The following PTBP3 variants were observed in gnomAD, a reference collection of about 807,000 sequenced individuals.
PTBP3 encodes polypyrimidine tract-binding protein 3.
In PTBP3, 20 loss-of-function variants were observed where a neutral mutation model predicts 58.7. The ratio of observed to expected loss-of-function variants is 0.34; its 90% confidence interval spans 0.24 to 0.50. PTBP3 has a LOEUF of 0.50. Among genes scored for constraint, PTBP3 ranks in the 20% least tolerant of loss-of-function variants. PTBP3 has a pLI of 0.98. For missense variants in PTBP3, 509 were observed against 637.2 expected, an observed-to-expected ratio of 0.80 and a Z score of 2.17; for synonymous variants, 185 against 219.8, an observed-to-expected ratio of 0.84 and a Z score of 1.40.
chr9:112,223,770 T>C lies in PTBP3; in HGVS notation c.*81A>G. The C allele has an allele frequency of 6.4e-7, 1 of 1,558,744 alleles. No individual in the cohort carries two copies. The highest frequency in any genetic ancestry group is 8.7e-7 in the Non-Finnish European group (1 of 1,152,492). ...GTTATTTTTGTGAAAGAGGCAAAATTGGTCTTGAGCTGCTTCAGTCTATGT... is the reference window on the plus strand; with the variant it reads ...GTTATTTTTGTGAAAGAGGCAAAATCGGTCTTGAGCTGCTTCAGTCTATGT... On this transcript the variant is annotated 3_prime_UTR_variant, in exon 14 of 14. Transcript: ENST00000374257.
intron 2 of PTBP3, among the ~76,000 whole-genome samples, chr9:112,293,044 A>G (rs767820470): frequency 2.6e-5 from 4 of 152,200 alleles, no homozygotes; most frequent in Admixed American, 6.5e-5. Flanking sequence ...CTATATAGAA[A>G]TGAGAAGAAC....
At chr9:112,250,586 G>C (rs960075849) in intron 7 of PTBP3, among the ~76,000 whole-genome samples, 17 of 152,036 alleles carry the variant, frequency 1.1e-4, no homozygotes, top group African/African-American at 4.1e-4. Context: ...TTTTTCTCAA[G>C]AGCATATATG....
chr9:112,370,746 G>A, the PTBP3 span, among the ~76,000 whole-genome samples: 1 of 152,158 alleles, frequency 6.6e-6, no homozygotes, highest in Non-Finnish European at 1.5e-5. Context: ...ACAATTTTAA[G>A]TCTTTCAACC....
rs1834858966 is a variant in PTBP3 at position 112,223,090 on chromosome 9, A to T, written c.*761T>A. On this transcript the variant is annotated 3_prime_UTR_variant, in exon 14 of 14. Transcript: ENST00000374257. ...GTGTCATTTTGAAATTTAAAACATG[A>T]TTTTTTCCTAATAAAATTATTAGTT... 1 of 866,816 alleles carries T rather than the reference A, an allele frequency of 1.2e-6. No individual in the cohort carries two copies. Among genetic ancestry groups the T allele is most frequent in the South Asian group, 5.3e-5 (1 of 18,752 alleles). 53.7% of individuals were successfully genotyped at this position (866,816 alleles called of 1,614,324 possible).
At chr9:112,298,859 A>C (rs1828801097) in intron 1 of PTBP3, among the ~76,000 whole-genome samples, 1 of 152,204 alleles carries the variant, frequency 6.6e-6, no homozygotes, top group Non-Finnish European at 1.5e-5. Context: ...GTATTTAAAC[A>C]TCCAGAAATT....
At chr9:112,311,437 T>G (rs1169584590) in intron 1 of PTBP3, among the ~76,000 whole-genome samples, 1 of 152,210 alleles carries the variant, frequency 6.6e-6, no homozygotes, top group African/African-American at 2.4e-5. Context: ...TTAAGTTATA[T>G]GGAAATACAG....
the PTBP3 span, among the ~76,000 whole-genome samples, chr9:112,339,830 T>C: frequency 2.0e-5 from 3 of 152,146 alleles, no homozygotes; most frequent in African/African-American, 7.2e-5. Context: ...CCTCCCAAAG[T>C]GCTGGGATTA....
intron 5 of PTBP3, 118 bp downstream of exon 5, chr9:112,262,317 A>G: frequency 2.3e-6 from 2 of 868,260 alleles, no homozygotes; most frequent in Non-Finnish European, 3.2e-6. Context: ...AGTTTTTTTC[A>G]TTATTTAAAC....
the PTBP3 span, among the ~76,000 whole-genome samples, chr9:112,369,140 G>C: frequency 2.4e-4 from 36 of 152,236 alleles, no homozygotes; most frequent in Admixed American, 9.2e-4. Flanking sequence ...CCCTCATGGA[G>C]AACCTCTGCT....
the PTBP3 span, among the ~76,000 whole-genome samples, chr9:112,361,480 T>C: frequency 1.3e-5 from 2 of 152,172 alleles, no homozygotes; most frequent in Non-Finnish European, 2.9e-5. Flanking sequence ...ACGTTAATAA[T>C]ATAAAATGGA....
chr9:112,318,399 C>G (rs988927819), intron 1 of PTBP3, among the ~76,000 whole-genome samples: 2 of 152,122 alleles, frequency 1.3e-5, no homozygotes, highest in Admixed American at 6.5e-5. Context: ...AGAAAAATGG[C>G]ATACATGTGC....
chr9:112,340,909 C>G, the PTBP3 span, among the ~76,000 whole-genome samples: 1 of 145,126 alleles, frequency 6.9e-6, no homozygotes, highest in Non-Finnish European at 1.5e-5. Flanking sequence ...AAAATAAAAT[C>G]TCTTGTTTCA....
the PTBP3 span, among the ~76,000 whole-genome samples, chr9:112,345,073 C>T: frequency 2.0e-5 from 3 of 151,912 alleles, no homozygotes; most frequent in African/African-American, 7.3e-5. Flanking sequence ...GCGGAGGTTG[C>T]GGTGAGCCGA....
At chr9:112,332,471 G>A (rs1316199238) in intron 1 of PTBP3, among the ~76,000 whole-genome samples, 1 of 152,032 alleles carries the variant, frequency 6.6e-6, no homozygotes, top group Non-Finnish European at 1.5e-5. Context: ...CAACCTCACA[G>A]AAATCTTGTC....
intron 2 of PTBP3, among the ~76,000 whole-genome samples, chr9:112,281,804 T>C (rs552715242): frequency 6.6e-6 from 1 of 152,354 alleles, no homozygotes; most frequent in East Asian, 1.9e-4. Flanking sequence ...TCATCTGAAG[T>C]GTCAAATTTA....
the PTBP3 span, among the ~76,000 whole-genome samples, chr9:112,347,990 C>G: frequency 6.6e-6 from 1 of 152,192 alleles, no homozygotes; most frequent in African/African-American, 2.4e-5. Context: ...TCAGCACTGA[C>G]GTAGGTTCCA....
the PTBP3 span, among the ~76,000 whole-genome samples, chr9:112,371,900 A>C: frequency 1.3e-4 from 20 of 151,898 alleles, no homozygotes; most frequent in South Asian, 6.2e-4. Context: ...CATCTGGCTA[A>C]TGGCTATTTT....
At chr9:112,238,052 C>T (rs1366187427) in intron 7 of PTBP3, among the ~76,000 whole-genome samples, 1 of 152,080 alleles carries the variant, frequency 6.6e-6, no homozygotes, top group Non-Finnish European at 1.5e-5. Flanking sequence ...TCCTGAGCCT[C>T]AAAGGACAAT....
At chr9:112,341,638 G>A in the PTBP3 span, among the ~76,000 whole-genome samples, 3 of 151,742 alleles carry the variant, frequency 2.0e-5, no homozygotes, top group Non-Finnish European at 2.9e-5. Flanking sequence ...GATTTTTTTT[G>A]TTTTTGTTTT....
Sources: gnomAD v4.1 joint callset for allele counts (sites outside exome capture counted in the v4.1 genomes callset) on GRCh38, gnomAD v4.1.1 for gene constraint, MANE v1.5 for transcripts, NCBI Gene and HGNC (gene_info 2026-07-23, HGNC 2026-07-21) for gene names.